Variants in YME1L1 observed in about 807,000 individuals in gnomAD.
YME1L1 encodes ATP-dependent zinc metalloprotease YME1L1.
A neutral mutation model predicts 90.4 loss-of-function variants in YME1L1; 39 were observed. That is an observed-to-expected ratio of 0.43 (90% CI 0.33 to 0.56). YME1L1 has a LOEUF of 0.56. YME1L1 is among the 20% of genes least tolerant of loss of function. The pLI is 0.03. For missense variants in YME1L1, 617 were observed against 868.4 expected (o/e 0.71, Z 3.64); for synonymous variants, 284 against 287.3 (o/e 0.99, Z 0.12).
chr10:27,120,098 T>G (rs2056851363), intron 13 of YME1L1, among the ~76,000 whole-genome samples: 1 of 152,182 alleles, frequency 6.6e-6, no homozygotes, highest in African/African-American at 2.4e-5. Context: ...ACTGACTATA[T>G]CATGAGTTAC....
At chr10:27,149,137 A>G (rs549003009) in intron 1 of YME1L1, 97 bp from the exon 2 acceptor site, 36 of 1,082,168 alleles carry the variant, frequency 3.3e-5, no homozygotes, top group Middle Eastern at 5.1e-4. Context: ...TTAAAGGTAC[A>G]TTATATATCA....
chr10:27,115,130 G>A (rs375450239), intron 17 of YME1L1, among the ~76,000 whole-genome samples: 7 of 152,062 alleles, frequency 4.6e-5, no homozygotes, highest in African/African-American at 1.4e-4. Flanking sequence ...GCAGGTGACT[G>A]TAATCCCAGC....
rs1324515487 is a variant in YME1L1, at chr10:27,154,336, C to A, written c.-126G>T. 1.7e-6 allele frequency: 2 copies of A among 1,190,638 alleles called. No homozygotes were observed. Among genetic ancestry groups the A allele is most frequent in the Non-Finnish European group, 2.3e-6 (2 of 852,290 alleles). 73.8% of individuals were successfully genotyped at this position (1,190,638 alleles called of 1,614,324 possible). Reference sequence around the variant, plus strand: ...CCGACCCGTTGCCCCTCACTCCTCCCAGAAACGGAAAATGGCCTCCCCTTC... The same window carrying A: ...CCGACCCGTTGCCCCTCACTCCTCCAAGAAACGGAAAATGGCCTCCCCTTC... On this transcript the variant is annotated 5_prime_UTR_variant, in exon 1 of 19. Transcript: ENST00000376016.
intron 1 of YME1L1, among the ~76,000 whole-genome samples, chr10:27,150,920 CTTTTTTTTT>C (rs142259641): frequency 3.4e-5 from 3 of 87,660 alleles, no homozygotes; most frequent in Non-Finnish European, 7.0e-5. Context: ...ACTCTCTCGC[CTTTTTTTTT>C]TTTTTTTTTT....
chr10:27,133,419 G>A (rs977778947), intron 7 of YME1L1, among the ~76,000 whole-genome samples: 3 of 152,174 alleles, frequency 2.0e-5, no homozygotes, highest in Non-Finnish European at 4.4e-5. Context: ...ATACTGTTAA[G>A]ATAGGCTGAA....
intron 14 of YME1L1, 85 bp from the exon 15 acceptor site, chr10:27,117,812 C>T: frequency 7.2e-7 from 1 of 1,381,846 alleles, no homozygotes; most frequent in Non-Finnish European, 1.0e-6. Flanking sequence ...AAATCAAATA[C>T]ACTCCACCCT....
At chr10:27,114,188 G>A (rs1453460563) in intron 18 of YME1L1, among the ~76,000 whole-genome samples, 1 of 151,992 alleles carries the variant, frequency 6.6e-6, no homozygotes, top group Non-Finnish European at 1.5e-5. Flanking sequence ...TACCTACATA[G>A]TGTACACTGT....
At chr10:27,147,782 C>G in intron 2 of YME1L1, 7 of 1,416,328 alleles carry the variant, frequency 4.9e-6, no homozygotes, top group Non-Finnish European at 6.7e-6. Flanking sequence ...GCAGTTTCAC[C>G]AAACCCTGGC....
At chr10:27,132,071 C>T in intron 7 of YME1L1, 130 bp from the exon 8 acceptor site, 1 of 650,772 alleles carries the variant, frequency 1.5e-6, no homozygotes, top group Non-Finnish European at 2.6e-6. Flanking sequence ...CATATCAAAT[C>T]AGAGTGAGGA....
chr10:27,153,050 T>G (rs2057244981), intron 1 of YME1L1, among the ~76,000 whole-genome samples: 2 of 152,348 alleles, frequency 1.3e-5, no homozygotes, highest in South Asian at 4.1e-4. Context: ...ACTACTATGT[T>G]CTAGCCACAC....
Position 27,121,375 on chromosome 10 carries a change from T to G in YME1L1, c.1298+11A>C. The G allele has an allele frequency of 6.3e-7, 1 of 1,593,008 alleles. No individual in the cohort carries two copies. The highest frequency in any genetic ancestry group is 1.7e-5 in the Admixed American group (1 of 59,930). ...AACAGTACTTCACAAAAATCTTCTT[T>G]TAATACTTACTTATCTAATGCCTCT... On this transcript the variant is annotated intron_variant, in intron 12 of 18. Transcript: ENST00000376016.
chr10:27,123,961 A>C (rs1034589563), intron 9 of YME1L1, among the ~76,000 whole-genome samples: 1 of 152,178 alleles, frequency 6.6e-6, no homozygotes, highest in Non-Finnish European at 1.5e-5. Context: ...TGAGGCAAAA[A>C]AATATAAACC....
Position 27,134,875 on chromosome 10 carries a change from G to A in YME1L1, c.647C>T (p.Ala216Val), listed in dbSNP as rs144679428. 8 of 1,613,774 alleles carry A rather than the reference G, an allele frequency of 5.0e-6. No homozygotes were observed. The highest frequency in any genetic ancestry group is 2.2e-5 in the East Asian group (1 of 44,854). ...AHQDAFKTGFAEGFLKAQALT... is the reference protein window; with the variant it reads ...AHQDAFKTGFVEGFLKAQALT... ...TGCTTGAGCTTTCAGAAAACCTTCC[G>A]CAAAACCAGTTTTAAATGCATCTTG... Residue 216 changes from alanine (A) to valine (V), a missense_variant, in exon 6 of 19, where the codon GCG (alanine) becomes GTG (valine). Transcript: ENST00000376016.
chr10:27,120,610 C>A lies in YME1L1; in HGVS notation c.1299-63G>T, dbSNP rs893884586. ...CTATTTAAGCTCAAATTCAACAGGACTGACACCCTAATGACGTGACTGGGA... is the reference window on the plus strand; with the variant it reads ...CTATTTAAGCTCAAATTCAACAGGAATGACACCCTAATGACGTGACTGGGA... On this transcript the variant is annotated intron_variant, in intron 12 of 18. Transcript: ENST00000376016. 1.4e-4 allele frequency: 194 copies of A among 1,351,538 alleles called. 2 individuals carry two copies. The highest frequency in any genetic ancestry group is 1.5e-4 in the Admixed American group (8 of 52,226). The allele number at this position is 1,351,538 out of a possible 1,614,324, so 83.7% of individuals were successfully genotyped here. A position where few individuals can be genotyped will look rare whatever the true frequency, so the allele number is the denominator to read the frequency against.
In YME1L1 at chr10:27,112,207, A is replaced by C. The variant is rs1755400; in HGVS notation, c.2008-87T>G. ...GGGAAGAGAAAGAAAAACTTTATGT[A>C]CCCTAAAAAATATGAAATCTGTTTA... On this transcript the variant is annotated intron_variant, in intron 18 of 18. Transcript: ENST00000376016. 1,702 of 1,184,688 alleles carry C rather than the reference A, an allele frequency of 1.4e-3. 20 individuals are homozygous for C. In the African/African-American group the frequency reaches 0.024, roughly 16 times the overall value. 73.4% of individuals were successfully genotyped at this position (1,184,688 alleles called of 1,614,324 possible). A position where few individuals can be genotyped will look rare whatever the true frequency, so the allele number is the denominator to read the frequency against.
chr10:27,143,143 G>T (rs1001340275), intron 3 of YME1L1, among the ~76,000 whole-genome samples: 2 of 151,930 alleles, frequency 1.3e-5, no homozygotes, highest in Non-Finnish European at 2.9e-5. Context: ...GCAGAGGTGG[G>T]TGGATAACCT....
At chr10:27,139,529 C>CT (rs1470321725) in intron 4 of YME1L1, among the ~76,000 whole-genome samples, 1 of 150,494 alleles carries the variant, frequency 6.6e-6, no homozygotes, top group African/African-American at 2.4e-5. Flanking sequence ...GGAACTCTAT[C>CT]TTTTTCTTTT....
At chr10:27,118,743 A>G (rs1356547108) in intron 14 of YME1L1, among the ~76,000 whole-genome samples, 3 of 152,244 alleles carry the variant, frequency 2.0e-5, no homozygotes, top group Non-Finnish European at 4.4e-5. Context: ...TAACAAGAAT[A>G]TCATAATTAA....
At chr10:27,153,813 G>A (rs1184753778) in intron 1 of YME1L1, among the ~76,000 whole-genome samples, 1 of 152,164 alleles carries the variant, frequency 6.6e-6, no homozygotes, top group African/African-American at 2.4e-5. Flanking sequence ...TCGGAAAAAA[G>A]GGAACATTAC....
Sources: gnomAD v4.1 joint callset for allele counts (sites outside exome capture counted in the v4.1 genomes callset) on GRCh38, gnomAD v4.1.1 for gene constraint, MANE v1.5 for transcripts, NCBI Gene and HGNC (gene_info 2026-07-23, HGNC 2026-07-21) for gene names.